Variants in KLF12 observed in about 807,000 individuals in gnomAD.
KLF12 encodes Krueppel-like factor 12.
Under a neutral mutation model 37.8 loss-of-function variants are expected in KLF12, and 9 were observed. The ratio of observed to expected loss-of-function variants is 0.24; its 90% confidence interval spans 0.14 to 0.42. KLF12 has a LOEUF of 0.42. Among genes scored for constraint, KLF12 ranks in the 10% least tolerant of loss-of-function variants. The pLI is 1.00. For missense variants in KLF12, 411 were observed against 516.0 expected (o/e 0.80, Z 1.97); for synonymous variants, 208 against 202.1 (o/e 1.03, Z -0.25).
At chr13:73,797,032 G>A (rs1028031159) in intron 5 of KLF12, among the ~76,000 whole-genome samples, 3 of 152,106 alleles carry the variant, frequency 2.0e-5, no homozygotes, top group African/African-American at 7.2e-5. Context: ...TGCATTTATT[G>A]GACAGGGACA....
the KLF12 span, among the ~76,000 whole-genome samples, chr13:74,170,172 C>T: frequency 1.1e-4 from 17 of 151,434 alleles, no homozygotes; most frequent in Admixed American, 1.3e-4. Context: ...ATATGATCTG[C>T]GCAAGAAGAA....
chr13:74,212,218 C>T, the KLF12 span, among the ~76,000 whole-genome samples: 1 of 152,120 alleles, frequency 6.6e-6, no homozygotes, highest in African/African-American at 2.4e-5. Context: ...ATAGAAACAA[C>T]CCTTGTCACA....
chr13:73,884,355 A>G (rs1177364712), intron 3 of KLF12, among the ~76,000 whole-genome samples: 4 of 152,234 alleles, frequency 2.6e-5, no homozygotes, highest in Non-Finnish European at 4.4e-5. Context: ...AGACAACCCA[A>G]GCCCTCACAA....
intron 1 of KLF12, among the ~76,000 whole-genome samples, chr13:74,033,427 G>C (rs1893165848): frequency 6.6e-6 from 1 of 152,116 alleles, no homozygotes; most frequent in Admixed American, 6.5e-5. Context: ...TAATCTATAA[G>C]ATAGGGCTAA....
chr13:73,736,769 A>C (rs1877493583), intron 6 of KLF12, among the ~76,000 whole-genome samples: 1 of 152,198 alleles, frequency 6.6e-6, no homozygotes, highest in Non-Finnish European at 1.5e-5. Context: ...TAACATCATC[A>C]GTGCAAGTTC....
the KLF12 span, among the ~76,000 whole-genome samples, chr13:74,229,293 T>C: frequency 6.6e-6 from 1 of 152,276 alleles, no homozygotes; most frequent in East Asian, 1.9e-4. Context: ...TAATAAGCAA[T>C]GTGTCCCTAA....
chr13:73,770,384 T>A (rs983323760), intron 5 of KLF12, among the ~76,000 whole-genome samples: 1 of 152,210 alleles, frequency 6.6e-6, no homozygotes, highest in African/African-American at 2.4e-5. Context: ...GGCCAGTGAT[T>A]AAATGACTAT....
chr13:73,794,424 C>G (rs1169994071), intron 5 of KLF12, among the ~76,000 whole-genome samples: 3 of 152,214 alleles, frequency 2.0e-5, no homozygotes, highest in African/African-American at 7.2e-5. Context: ...TGCGCCACTG[C>G]ACTCCAGCCT....
At chr13:73,892,759 C>T (rs1044333643) in intron 3 of KLF12, among the ~76,000 whole-genome samples, 2 of 152,122 alleles carry the variant, frequency 1.3e-5, no homozygotes, top group African/African-American at 2.4e-5. Flanking sequence ...AGTTTTTGCA[C>T]AGCAACATGC....
rs192136199 is a variant in KLF12 at position 74,026,174 on chromosome 13, T to A, written c.-31-31121A>T. Among the ~76,000 whole-genome samples, 168 of 151,782 alleles carry A rather than the reference T, an allele frequency of 1.1e-3. 1 individual carries two copies. In the East Asian group the frequency reaches 0.017, roughly 15 times the overall value. The stretch of plus-strand genomic sequence containing the variant: ...ATTTTGAAGAAAAAAAAAAAAAACC[T>A]TTACCTTGGAGGAAAACTGGGTTCA... On this transcript the variant is annotated intron_variant, in intron 1 of 7. Coordinates refer to ENST00000377669, the MANE Select transcript of KLF12 (RefSeq NM_007249.5).
At chr13:74,219,903 T>TTTCTTTTCTTTTAAAAC in the KLF12 span, among the ~76,000 whole-genome samples, 4 of 152,172 alleles carry the variant, frequency 2.6e-5, no homozygotes, top group Non-Finnish European at 5.9e-5. Context: ...CAGGTGTAAG[T>TTTCTTTTCTTTTAAAAC]TTCTTTTCTT....
chr13:74,135,462 G>C (rs1281618203), upstream of KLF12, among the ~76,000 whole-genome samples: 1 of 151,862 alleles, frequency 6.6e-6, no homozygotes, highest in South Asian at 2.1e-4. Flanking sequence ...GAGCGGATCC[G>C]CGGGATTGTG....
At chr13:74,055,609 TTC>T (rs1873202219) in intron 1 of KLF12, among the ~76,000 whole-genome samples, 2 of 152,174 alleles carry the variant, frequency 1.3e-5, no homozygotes, top group Non-Finnish European at 2.9e-5. Flanking sequence ...CTCTTCTGTT[TTC>T]ACCTGGGCTT....
chr13:73,936,277 G>C (rs1023405263), intron 3 of KLF12, among the ~76,000 whole-genome samples: 1 of 152,018 alleles, frequency 6.6e-6, no homozygotes, highest in African/African-American at 2.4e-5. Context: ...AGATCAGTTC[G>C]GTCCTTTCAA....
chr13:73,782,968 A>T (rs1037710517), intron 5 of KLF12, among the ~76,000 whole-genome samples: 3 of 152,234 alleles, frequency 2.0e-5, no homozygotes, highest in African/African-American at 7.2e-5. Context: ...GCAGTGTTAA[A>T]GAGCAGAGAC....
the KLF12 span, among the ~76,000 whole-genome samples, chr13:74,212,949 TA>T: frequency 7.3e-5 from 11 of 151,414 alleles, no homozygotes; most frequent in South Asian, 2.1e-4. Context: ...TTCAGAAAGG[TA>T]AAAAAAATAA....
At chr13:73,774,724 A>G (rs1272657586) in intron 5 of KLF12, among the ~76,000 whole-genome samples, 1 of 152,204 alleles carries the variant, frequency 6.6e-6, no homozygotes, top group Non-Finnish European at 1.5e-5. Context: ...AATAATTTTC[A>G]AGTGCCAGGG....
At chr13:73,927,212 G>T (rs1459671607) in intron 3 of KLF12, among the ~76,000 whole-genome samples, 1 of 152,132 alleles carries the variant, frequency 6.6e-6, no homozygotes, top group Admixed American at 6.5e-5. Context: ...GGTGAGAAAG[G>T]GAAGAAGACT....
chr13:73,755,553 T>C (rs1594053026), intron 6 of KLF12, among the ~76,000 whole-genome samples: 1 of 152,200 alleles, frequency 6.6e-6, no homozygotes, highest in East Asian at 1.9e-4. Context: ...TAGTAAGAGA[T>C]TCCTTTTACA....
Sources: gnomAD v4.1 joint callset for allele counts (sites outside exome capture counted in the v4.1 genomes callset) on GRCh38, gnomAD v4.1.1 for gene constraint, MANE v1.5 for transcripts, NCBI Gene and HGNC (gene_info 2026-07-23, HGNC 2026-07-21) for gene names.